The following TFG variants were observed in gnomAD, a reference collection of about 807,000 sequenced individuals.
The protein encoded by TFG is trafficking from ER to golgi regulator, also known as protein TFG.
Under a neutral mutation model 51.4 loss-of-function variants are expected in TFG, and 22 were observed. The ratio of observed to expected loss-of-function variants is 0.43; its 90% CI spans 0.31 to 0.61. The LOEUF is 0.61. TFG is among the 20% of genes least tolerant of loss of function. The probability of loss-of-function intolerance (pLI) is 0.12; values close to 1 mark genes in which losing one functional copy is unlikely to be tolerated. For synonymous variants in TFG, 187 were observed against 165.6 expected (o/e 1.13, Z -0.99); for missense variants, 419 against 487.7 (o/e 0.86, Z 1.33).
intron 7 of TFG, among the ~76,000 whole-genome samples, chr3:100,746,486 A>G (rs2149098472): frequency 6.6e-6 from 1 of 152,284 alleles, no homozygotes; most frequent in South Asian, 2.1e-4. Context: ...CTTACTCCAT[A>G]AAAGGCTAGA....
At chr3:100,729,582 CTTATTA>C (rs71625567) in intron 4 of TFG, among the ~76,000 whole-genome samples, 2 of 151,390 alleles carry the variant, frequency 1.3e-5, no homozygotes, top group Admixed American at 6.6e-5. Flanking sequence ...AAAGAAAACT[CTTATTA>C]TTATTTTTTT....
intron 3 of TFG, among the ~76,000 whole-genome samples, chr3:100,721,518 CAG>C (rs1395304700): frequency 6.6e-6 from 1 of 152,194 alleles, no homozygotes; most frequent in Non-Finnish European, 1.5e-5. Flanking sequence ...CTTGGGCCGT[CAG>C]GGGCTTGGGA....
chr3:100,723,830 A>G (rs562872300), intron 3 of TFG, among the ~76,000 whole-genome samples: 11 of 151,178 alleles, frequency 7.3e-5, no homozygotes, highest in Admixed American at 2.0e-4. Context: ...GGAGAAATAC[A>G]GTTTTTTTTT....
At chr3:100,714,742 A>G (rs2095040984) in intron 2 of TFG, among the ~76,000 whole-genome samples, 1 of 152,212 alleles carries the variant, frequency 6.6e-6, no homozygotes, top group Non-Finnish European at 1.5e-5. Context: ...CAAAGACAAA[A>G]GTGTTTCTTT....
intron 6 of TFG, among the ~76,000 whole-genome samples, chr3:100,737,802 A>G (rs567985984): frequency 2.2e-4 from 33 of 152,288 alleles, no homozygotes; most frequent in South Asian, 8.3e-4. Flanking sequence ...TAATCCCAGC[A>G]CTTTGGGAGG....
At chr3:100,740,579 T>A (rs1456766819) in intron 6 of TFG, among the ~76,000 whole-genome samples, 1 of 152,178 alleles carries the variant, frequency 6.6e-6, no homozygotes, top group Non-Finnish European at 1.5e-5. Context: ...CTCATGTGCT[T>A]GTTGCTTATT....
chr3:100,720,002 G>C lies in TFG; in HGVS notation c.212G>C (p.Ser71Thr). 1.9e-6 allele frequency: 3 copies of C among 1,569,600 alleles called. No homozygotes were observed. Among genetic ancestry groups the C allele is most frequent in the Non-Finnish European group, 2.6e-6 (3 of 1,160,918 alleles). ...GGAGATCTTATAACAATTTTTGATAGTTCTGACCTTTCCTTTGCAATTCAG... is the reference window on the plus strand; with the variant it reads ...GGAGATCTTATAACAATTTTTGATACTTCTGACCTTTCCTTTGCAATTCAG... ...EDGDLITIFDSSDLSFAIQCS... is the reference protein window; with the variant it reads ...EDGDLITIFDTSDLSFAIQCS... The change falls in exon 3 of 8, where the codon AGT becomes ACT. Residue 71 changes from serine to threonine, a missense_variant. Physicochemically the swap from Ser to Thr is moderately conservative, Grantham distance 58. This residue lies in a region of TFG where 391 missense variants were observed against 434.4 expected (regional missense o/e 0.90). Transcript: ENST00000240851.
intron 2 of TFG, among the ~76,000 whole-genome samples, chr3:100,718,911 G>C (rs943055468): frequency 6.6e-6 from 1 of 152,128 alleles, no homozygotes; most frequent in African/African-American, 2.4e-5. Context: ...TAGTAGAGTG[G>C]AGGGATGGCT....
At chr3:100,711,502 GAGTGTGTCTGATGGA>G (rs1398978935) in intron 1 of TFG, among the ~76,000 whole-genome samples, 1 of 152,218 alleles carries the variant, frequency 6.6e-6, no homozygotes, top group Non-Finnish European at 1.5e-5. Context: ...TCTTAATTAG[GAGTGTGTCTGATGGA>G]AGTCACTTCT....
chr3:100,726,294 T>C (rs757212703), intron 3 of TFG, among the ~76,000 whole-genome samples: 6 of 152,164 alleles, frequency 3.9e-5, no homozygotes, highest in Non-Finnish European at 7.4e-5. Flanking sequence ...TATCCTACCT[T>C]CTTCTGCCTG....
intron 6 of TFG, among the ~76,000 whole-genome samples, chr3:100,737,630 A>G (rs1380035497): frequency 1.3e-5 from 2 of 152,206 alleles, no homozygotes; most frequent in Non-Finnish European, 2.9e-5. Flanking sequence ...ATAGTGGTAT[A>G]ATGTATTTCC....
chr3:100,711,127 G>A (rs2095030122), intron 1 of TFG: 1 of 150,858 alleles, frequency 6.6e-6, no homozygotes, highest in Non-Finnish European at 1.5e-5. Context: ...TTGAGACGGA[G>A]TCTGGCTCTG....
chr3:100,731,606 C>T (rs1418476528), intron 4 of TFG, among the ~76,000 whole-genome samples: 1 of 152,036 alleles, frequency 6.6e-6, no homozygotes. Context: ...CTCCTGTTAC[C>T]CAGAGTGGAG....
chr3:100,714,786 A>G (rs1363280402), intron 2 of TFG, among the ~76,000 whole-genome samples: 1 of 152,254 alleles, frequency 6.6e-6, no homozygotes, highest in Non-Finnish European at 1.5e-5. Context: ...TAATATGCTT[A>G]TATACATTTT....
intron 2 of TFG, among the ~76,000 whole-genome samples, chr3:100,718,605 T>G (rs1179070892): frequency 1.5e-5 from 2 of 134,652 alleles, no homozygotes; most frequent in African/African-American, 5.6e-5. Flanking sequence ...TCGTTTAGGC[T>G]GGAGTACAGT....
At chr3:100,732,345 T>TA (rs548226230) in intron 4 of TFG, among the ~76,000 whole-genome samples, 163 bp from the exon 5 acceptor site, 13 of 151,974 alleles carry the variant, frequency 8.6e-5, no homozygotes, top group East Asian at 3.9e-4. Flanking sequence ...AGGAAAAATA[T>TA]AAAAAAAATA....
intron 3 of TFG, among the ~76,000 whole-genome samples, chr3:100,725,127 C>G (rs993935948): frequency 4.0e-5 from 6 of 151,854 alleles, no homozygotes; most frequent in African/African-American, 7.3e-5. Flanking sequence ...AGGATGGTCT[C>G]GATCTCCTGA....
At chr3:100,746,323 C>A (rs1209536478) in intron 7 of TFG, among the ~76,000 whole-genome samples, 2 of 151,998 alleles carry the variant, frequency 1.3e-5, no homozygotes, top group African/African-American at 4.8e-5. Context: ...GGGTGTGGGA[C>A]TCAGGCGTTT....
intron 5 of TFG, among the ~76,000 whole-genome samples, chr3:100,733,413 TC>T (rs2095097258): frequency 6.6e-6 from 1 of 152,218 alleles, no homozygotes; most frequent in African/African-American, 2.4e-5. Context: ...CTCTAGAATT[TC>T]CATTGGGTTT....
Sources: allele counts gnomAD v4.1 joint callset (sites outside exome capture counted in the v4.1 genomes callset), GRCh38; gene constraint gnomAD v4.1.1; regional missense constraint gnomAD v4.1.1; transcripts MANE v1.5; gene names NCBI Gene and HGNC (gene_info 2026-07-23, HGNC 2026-07-21).